DOCK5: variants seen among roughly 807,000 people sequenced by gnomAD.
DOCK5 encodes dedicator of cytokinesis 5, also known as dedicator of cytokinesis protein 5.
A neutral mutation model predicts 251.8 loss-of-function variants in DOCK5; 142 were observed. The observed-to-expected ratio is 0.56, with a 90% CI of 0.49 to 0.65. DOCK5 has a LOEUF of 0.65. DOCK5 is among the 30% of genes least tolerant of loss of function. The pLI is 0.00. For synonymous variants in DOCK5, 842 were observed against 835.5 expected, an observed-to-expected ratio of 1.01 and a Z score of -0.13; for missense variants, 2,111 against 2,312.3, an observed-to-expected ratio of 0.91 and a Z score of 1.79.
chr8:25,335,309 GT>G (rs1471981784), intron 21 of DOCK5, among the ~76,000 whole-genome samples: 1 of 152,124 alleles, frequency 6.6e-6, no homozygotes, highest in Non-Finnish European at 1.5e-5. Flanking sequence ...TCCCATCACT[GT>G]GATCATACCG....
At chr8:25,185,539 A>C (rs1204387704) in intron 1 of DOCK5, among the ~76,000 whole-genome samples, 2 of 152,096 alleles carry the variant, frequency 1.3e-5, no homozygotes, top group Non-Finnish European at 2.9e-5. Flanking sequence ...AGGGACAGGA[A>C]GTTGTGGCAC....
chr8:25,342,933 C>T (rs1345450327), intron 25 of DOCK5, among the ~76,000 whole-genome samples: 1 of 151,750 alleles, frequency 6.6e-6, no homozygotes, highest in African/African-American at 2.4e-5. Context: ...TCTTGATCTC[C>T]TGACCTCGTG....
At chr8:25,312,449 G>A (rs1805126587) in intron 13 of DOCK5, among the ~76,000 whole-genome samples, 1 of 152,082 alleles carries the variant, frequency 6.6e-6, no homozygotes, top group Non-Finnish European at 1.5e-5. Context: ...GATGCCAAGG[G>A]CTACATTGGT....
intron 2 of DOCK5, among the ~76,000 whole-genome samples, chr8:25,249,260 C>T (rs940490050): frequency 6.6e-6 from 1 of 152,158 alleles, no homozygotes; most frequent in African/African-American, 2.4e-5. Flanking sequence ...CTCGGCCTCC[C>T]AGAGTATAGG....
intron 1 of DOCK5, among the ~76,000 whole-genome samples, chr8:25,193,053 C>A (rs1279885006): frequency 6.6e-6 from 1 of 152,082 alleles, no homozygotes; most frequent in African/African-American, 2.4e-5. Context: ...GAAGCTGATA[C>A]CCAATGGAAT....
At chr8:25,363,816 C>G (rs1395764488) in intron 29 of DOCK5, among the ~76,000 whole-genome samples, 1 of 152,240 alleles carries the variant, frequency 6.6e-6, no homozygotes, top group South Asian at 2.1e-4. Context: ...AGTGCCTTCC[C>G]CATAACCTCT....
At chr8:25,337,574 C>A (rs1586340952) in intron 22 of DOCK5, among the ~76,000 whole-genome samples, 1 of 149,246 alleles carries the variant, frequency 6.7e-6, no homozygotes, top group Non-Finnish European at 1.5e-5. Flanking sequence ...GAAAGACGAC[C>A]ATGATAGATT....
At chr8:25,266,506 T>G (rs569314099) in intron 2 of DOCK5, among the ~76,000 whole-genome samples, 1 of 152,052 alleles carries the variant, frequency 6.6e-6, no homozygotes, top group South Asian at 2.1e-4. Flanking sequence ...TATGCCTTCT[T>G]AAGTCTAATA....
chr8:25,306,629 G>A (rs932611884), intron 11 of DOCK5, among the ~76,000 whole-genome samples: 1 of 151,886 alleles, frequency 6.6e-6, no homozygotes, highest in East Asian at 1.9e-4. Context: ...GGAAGGTGGA[G>A]CTTGCAGTGA....
intron 6 of DOCK5, among the ~76,000 whole-genome samples, chr8:25,293,575 G>C (rs1804546594): frequency 6.6e-6 from 1 of 152,302 alleles, no homozygotes; most frequent in South Asian, 2.1e-4. Flanking sequence ...TTGAACCCAA[G>C]ACTTTTGACT....
At chr8:25,323,763 C>G in intron 16 of DOCK5, 85 bp from the exon 17 acceptor site, 1 of 1,448,668 alleles carries the variant, frequency 6.9e-7, no homozygotes, top group South Asian at 1.2e-5. Flanking sequence ...ACGCTGCACC[C>G]CCGAGCAAAA....
chr8:25,373,584 G>T (rs1415643616), intron 35 of DOCK5, 34 bp from the exon 36 acceptor site: 2 of 1,560,804 alleles, frequency 1.3e-6, no homozygotes, highest in Non-Finnish European at 1.7e-6. Context: ...CTTGATTTAT[G>T]TTGGGATTCT....
At chr8:25,185,701 C>T (rs974459923) in intron 1 of DOCK5, among the ~76,000 whole-genome samples, 1 of 152,138 alleles carries the variant, frequency 6.6e-6, no homozygotes, top group African/African-American at 2.4e-5. Context: ...TGCCAGACCC[C>T]GTGCTGGGCA....
intron 1 of DOCK5, among the ~76,000 whole-genome samples, chr8:25,217,142 G>T (rs1802268910): frequency 6.7e-6 from 1 of 149,062 alleles, no homozygotes; most frequent in Admixed American, 6.8e-5. Flanking sequence ...GAATGCAGGA[G>T]AAGGTGATAG....
intron 13 of DOCK5, among the ~76,000 whole-genome samples, chr8:25,314,233 T>C (rs1805177562): frequency 6.7e-6 from 1 of 148,742 alleles, no homozygotes; most frequent in Non-Finnish European, 1.5e-5. Context: ...CACCTCAGCC[T>C]CCCAGGTAGC....
chr8:25,358,960 C>T lies in DOCK5; in HGVS notation c.2851-3C>T. ...TGGATTTGTGCTTTCCTTTTCCTTC[C>T]AGGGGAGTTTTGTGGCTTGCATGAT... On this transcript the variant is annotated splice_region_variant and splice_polypyrimidine_tract_variant and intron_variant, in intron 27 of 51. Coordinates refer to ENST00000276440, the MANE Select transcript of DOCK5 (RefSeq NM_024940.8). 6.2e-7 allele frequency: 1 copy of T among 1,613,446 alleles called. No individual in the cohort carries two copies. The highest frequency in any genetic ancestry group is 8.5e-7 in the Non-Finnish European group (1 of 1,179,428).
At chr8:25,212,823 C>T (rs1355553985) in intron 1 of DOCK5, among the ~76,000 whole-genome samples, 1 of 69,520 alleles carries the variant, frequency 1.4e-5, no homozygotes, top group East Asian at 3.2e-4. Context: ...CTCTACCCTC[C>T]CCAGCCATGG....
At position 25,345,517 on chromosome 8, in the gene DOCK5, G is replaced by A; in HGVS notation, c.2660G>A (p.Ser887Asn). 1.2e-6 allele frequency: 2 copies of A among 1,613,912 alleles called. No homozygotes were observed. The highest frequency in any genetic ancestry group is 2.2e-5 in the South Asian group (2 of 91,086). The part of the protein sequence containing the change: ...VLLPLLTDQL[S>N]GQLDDNSNKP... ...CTGCCACTGCTGACAGACCAGCTCAGCGGCCAGTTAGATGACAACTCCAAC... is the reference window on the plus strand; with the variant it reads ...CTGCCACTGCTGACAGACCAGCTCAACGGCCAGTTAGATGACAACTCCAAC... The change falls in exon 26 of 52, where the codon AGC (serine) becomes AAC (asparagine). Residue 887 changes from serine to asparagine, a missense_variant. Around this residue, in one of 3 missense-constraint regions of DOCK5, gnomAD observed 1,717 missense variants for 1,892.4 expected, o/e 0.91. Coordinates refer to ENST00000276440, the MANE Select transcript of DOCK5 (RefSeq NM_024940.8).
At chr8:25,197,729 A>G (rs13269126) in intron 1 of DOCK5, among the ~76,000 whole-genome samples, 90,521 of 145,478 alleles carry the variant, frequency 0.62, 30,607 homozygotes, top group Non-Finnish European at 0.76. Flanking sequence ...GACTACAGGT[A>G]CATGCAACCA....
Sources: allele counts gnomAD v4.1 joint callset (sites outside exome capture counted in the v4.1 genomes callset), GRCh38; gene constraint gnomAD v4.1.1; regional missense constraint gnomAD v4.1.1; transcripts MANE v1.5; gene names NCBI Gene and HGNC (gene_info 2026-07-23, HGNC 2026-07-21).